The following ACOT7 variants were observed in gnomAD, a reference collection of about 807,000 sequenced individuals.
ACOT7 encodes the protein cytosolic acyl coenzyme A thioester hydrolase.
A neutral mutation model predicts 40.2 loss-of-function variants in ACOT7; 12 were observed. That is an observed-to-expected ratio of 0.30 (90% CI 0.19 to 0.48). The LOEUF (loss-of-function observed/expected upper bound fraction) is 0.48. Among genes scored for constraint, ACOT7 ranks in the 20% least tolerant of loss-of-function variants. The pLI, the probability that ACOT7 is intolerant of heterozygous loss-of-function variation, is 0.99. For missense variants in ACOT7, 395 were observed against 530.8 expected (o/e 0.74, Z 2.51); for synonymous variants, 228 against 219.5 (o/e 1.04, Z -0.34).
chr1:6,298,053 C>T (rs1350236562), intron 6 of ACOT7, among the ~76,000 whole-genome samples: 2 of 152,172 alleles, frequency 1.3e-5, no homozygotes, highest in African/African-American at 2.4e-5. Context: ...GCCAGGTTCA[C>T]GCTCGCTGCA....
chr1:6,301,795 C>T lies in ACOT7; in HGVS notation c.713-6815G>A, dbSNP rs1639980302. Among the ~76,000 whole-genome samples, 2 of 152,154 alleles carry T rather than the reference C, an allele frequency of 1.3e-5. No homozygotes were observed. The highest frequency in any genetic ancestry group is 2.1e-4 in the South Asian group (1 of 4,820). On this transcript the variant is annotated intron_variant, in intron 6 of 8. Transcript: ENST00000361521. The surrounding 1 kb of genome is among the most constrained non-coding windows in gnomAD (Gnocchi z 4.1). ...CCCAGAAACCCCAAAGCCAGGTGAG[C>T]TTGATGACCGGCCAAAAAACCAAGC...
intron 7 of ACOT7, among the ~76,000 whole-genome samples, 169 bp from the exon 8 acceptor site, chr1:6,281,455 A>G (rs559581310): frequency 6.0e-4 from 91 of 152,382 alleles, no homozygotes; most frequent in South Asian, 3.1e-3. Context: ...TTAGTTGCCC[A>G]TGAATGTTTA....
rs566904188 is a variant in ACOT7 at position 6,331,858 on chromosome 1, G to A, written c.510+1619C>T. On this transcript the variant is annotated intron_variant, in intron 4 of 8. Transcript: ENST00000361521. ...ACTGCCCTCTGAGGAGACCCTGGCA[G>A]GGTGCCTGGTCAGACACGGAGCTGG... Among the ~76,000 whole-genome samples, 98 of 152,340 alleles carry A rather than the reference G, an allele frequency of 6.4e-4. 1 individual carries two copies. Among genetic ancestry groups the A allele is most frequent in the East Asian group, 3.3e-3 (17 of 5,182 alleles).
chr1:6,281,274 G>A lies in ACOT7; in HGVS notation c.842C>T (p.Thr281Ile). Reference sequence around the variant, plus strand: ...CGTGAAGGTCATGCGTCCCGAGATGGTGATGACGCAGCCTGTGGAGAAGGG... The same window carrying A: ...CGTGAAGGTCATGCGTCCCGAGATGATGATGACGCAGCCTGTGGAGAAGGG... ...HDKIRKGCVI[T>I]ISGRMTFTSN... Residue 281 changes from threonine (T) to isoleucine (I), a missense_variant, in exon 8 of 9, where the codon ACC becomes ATC. Thr to Ile is a moderately conservative substitution (Grantham distance 89, BLOSUM62 -1). Coordinates refer to ENST00000361521, the MANE Select transcript of ACOT7 (RefSeq NM_007274.4). 2 of 1,613,432 alleles carry A rather than the reference G, an allele frequency of 1.2e-6. No homozygotes were observed. Among genetic ancestry groups the A allele is most frequent in the Non-Finnish European group, 1.7e-6 (2 of 1,179,962 alleles).
chr1:6,312,123 G>A (rs559177729), intron 6 of ACOT7, among the ~76,000 whole-genome samples: 53 of 152,258 alleles, frequency 3.5e-4, no homozygotes, highest in African/African-American at 1.2e-3. Flanking sequence ...AGGAGGCTGC[G>A]TCTCCCTCGG....
chr1:6,286,717 A>G (rs1639514049), intron 7 of ACOT7, among the ~76,000 whole-genome samples: 3 of 152,216 alleles, frequency 2.0e-5, no homozygotes, highest in African/African-American at 7.2e-5. Context: ...GGGGCTCCAC[A>G]GGCCACCTGG....
At chr1:6,368,336 C>T (rs1642059435) in intron 1 of ACOT7, among the ~76,000 whole-genome samples, 1 of 152,324 alleles carries the variant, frequency 6.6e-6, no homozygotes, top group Non-Finnish European at 1.5e-5. Context: ...GCACCATCAG[C>T]AGGGTGGGTG....
At position 6,301,737 on chromosome 1, in the gene ACOT7, G is replaced by A. The variant is rs1170520904; in HGVS notation, c.713-6757C>T. 1.3e-5 allele frequency among the ~76,000 whole-genome samples: 2 copies of A among 152,228 alleles called. No homozygotes were observed. Among genetic ancestry groups the A allele is most frequent in the African/African-American group, 4.8e-5 (2 of 41,456 alleles). On this transcript the variant is annotated intron_variant, in intron 6 of 8. Transcript: ENST00000361521. The surrounding 1 kb of genome is among the most constrained non-coding windows in gnomAD (Gnocchi z 4.1). ...AGGCAACAATTTGCGTCAAGAATTA[G>A]TCACAGATGAGGGCAGGAAAAGCTC...
intron 6 of ACOT7, among the ~76,000 whole-genome samples, chr1:6,309,041 G>A (rs775076881): frequency 6.6e-6 from 1 of 152,210 alleles, no homozygotes; most frequent in African/African-American, 2.4e-5. Context: ...AGTCATGTTC[G>A]CCCTGTCGGC....
chr1:6,358,910 TC>T lies in ACOT7; in HGVS notation c.144-9045del. 1 of 1,600,702 alleles carries T rather than the reference TC, an allele frequency of 6.2e-7. No individual in the cohort carries two copies. The highest frequency in any genetic ancestry group is 8.5e-7 in the Non-Finnish European group (1 of 1,173,682). ...GAGGGAGCAGGGAAGCATCACAGAG[TC>T]CTTGCCTGACCCAGGACTGTCCCAG... On this transcript the variant is annotated intron_variant, in intron 1 of 8. Coordinates refer to ENST00000361521, the MANE Select transcript of ACOT7 (RefSeq NM_007274.4). This position sits in a 1 kb window ranked among gnomAD's most constrained non-coding sequence, Gnocchi z 4.1.
chr1:6,275,259 C>G lies in ACOT7; in HGVS notation c.1014+5843G>C, dbSNP rs962719077. ...CTGGCTTCCTAACCAGAAAACAAAC[C>G]TGCTGAGAATGGCCCCCGGCCTGGT... On this transcript the variant is annotated intron_variant, in intron 8 of 8. Transcript: ENST00000361521. The surrounding 1 kb of genome is among the most constrained non-coding windows in gnomAD (Gnocchi z 5.6). Among the ~76,000 whole-genome samples the G allele has an allele frequency of 3.3e-5, 5 of 152,240 alleles. No homozygotes were observed. Among genetic ancestry groups the G allele is most frequent in the Admixed American group, 6.5e-5 (1 of 15,286 alleles).
At position 6,311,551 on chromosome 1, in the gene ACOT7, C is replaced by T. The variant is rs1187675696; in HGVS notation, c.712+6941G>A. ...CCCCTCAAGGTATCTCAACTCCCTC[C>T]GTCCCCAGCTATTGGGGTCTCTTGT... On this transcript the variant is annotated intron_variant, in intron 6 of 8. Coordinates refer to ENST00000361521, the MANE Select transcript of ACOT7 (RefSeq NM_007274.4). This position sits in a 1 kb window ranked among gnomAD's most constrained non-coding sequence, Gnocchi z 5.2. Among the ~76,000 whole-genome samples the T allele has an allele frequency of 6.6e-6, 1 of 152,206 alleles. No individual in the cohort carries two copies. Among genetic ancestry groups the T allele is most frequent in the Non-Finnish European group, 1.5e-5 (1 of 68,038 alleles).
chr1:6,286,703 A>T (rs968071868), intron 7 of ACOT7, among the ~76,000 whole-genome samples: 3 of 152,186 alleles, frequency 2.0e-5, no homozygotes, highest in African/African-American at 7.2e-5. Flanking sequence ...GCTCTCCTTC[A>T]TCAGGGGCTC....
chr1:6,351,965 C>T (rs1371310941), intron 1 of ACOT7, among the ~76,000 whole-genome samples: 2 of 152,196 alleles, frequency 1.3e-5, no homozygotes, highest in Non-Finnish European at 2.9e-5. Flanking sequence ...AGTGAGGACT[C>T]GGCACTTGGC....
intron 1 of ACOT7, among the ~76,000 whole-genome samples, chr1:6,367,115 C>T (rs775536757): frequency 9.3e-5 from 14 of 151,116 alleles, no homozygotes; most frequent in East Asian, 2.0e-4. Context: ...AAGAGAATTG[C>T]GTGAACCCAG....
At chr1:6,298,134 CGTCTTTCTTTTTCTTTTTGAGAAAGA>C (rs1370111445) in intron 6 of ACOT7, among the ~76,000 whole-genome samples, 2 of 152,084 alleles carry the variant, frequency 1.3e-5, no homozygotes, top group African/African-American at 4.8e-5. Flanking sequence ...TCAGCATCCC[CGTCTTTCTTTTTCTTTTTGAGAAAGA>C]GTCTCTCTCT....
rs1333820220 is a variant in ACOT7, at chr1:6,338,642, G to GC, written c.418+790dup. On this transcript the variant is annotated intron_variant, in intron 3 of 8. Coordinates refer to ENST00000361521, the MANE Select transcript of ACOT7 (RefSeq NM_007274.4). The surrounding 1 kb of genome is among the most constrained non-coding windows in gnomAD (Gnocchi z 4.4). ...GCCCGTCATGAGGAAGAGGACTCAAGCCCCTCAAATGGCTGTGAGCTGGCA... is the reference window on the plus strand; with the variant it reads ...GCCCGTCATGAGGAAGAGGACTCAAGCCCCCTCAAATGGCTGTGAGCTGGCA... Among the ~76,000 whole-genome samples, 6 of 152,182 alleles carry GC rather than the reference G, an allele frequency of 3.9e-5. No individual in the cohort carries two copies. The highest frequency in any genetic ancestry group is 7.4e-5 in the Non-Finnish European group (5 of 68,024).
In ACOT7 at chr1:6,282,724, A is replaced by G. The variant is rs1255267572; in HGVS notation, c.830-1438T>C. The G allele has an allele frequency of 7.7e-7, 1 of 1,303,914 alleles. No individual in the cohort carries two copies. The highest frequency in any genetic ancestry group is 5.5e-5 in the East Asian group (1 of 18,028). The allele number at this position is 1,303,914 out of a possible 1,614,324, so 80.8% of individuals were successfully genotyped here. On this transcript the variant is annotated intron_variant, in intron 7 of 8. Transcript: ENST00000361521. This position sits in a 1 kb window ranked among gnomAD's most constrained non-coding sequence, Gnocchi z 4.5. ...ATGCTACATTCAACTTCATACTTAC[A>G]GGGAGCACTTCGTGCCAGTGCTGGG... is the stretch of plus-strand genomic sequence containing the variant.
At chr1:6,344,763 C>CAAAAAAAAAAAAA (rs58594477) in intron 2 of ACOT7, among the ~76,000 whole-genome samples, 2 of 56,026 alleles carry the variant, frequency 3.6e-5, no homozygotes, top group African/African-American at 4.3e-5. Flanking sequence ...GACTCTGTCT[C>CAAAAAAAAAAAAA]AAAAAAAAAA....
Sources: gnomAD v4.1 joint callset for allele counts (sites outside exome capture counted in the v4.1 genomes callset) on GRCh38, gnomAD v4.1.1 for gene constraint, Gnocchi (gnomAD v3.1) non-coding constraint, MANE v1.5 for transcripts, NCBI Gene and HGNC (gene_info 2026-07-23, HGNC 2026-07-21) for gene names.